The following CPT1A variants were observed in gnomAD, a reference collection of about 807,000 sequenced individuals.
CPT1A encodes carnitine O-palmitoyltransferase 1, liver isoform.
Under a neutral mutation model 100.8 loss-of-function variants are expected in CPT1A, and 64 were observed. The ratio of observed to expected loss-of-function variants is 0.63; its 90% CI spans 0.52 to 0.78. The LOEUF is 0.78. Among genes scored for constraint, CPT1A ranks in the 30% least tolerant of loss-of-function variants. CPT1A has a pLI of 0.00. For synonymous variants in CPT1A, 363 were observed against 396.0 expected, an observed-to-expected ratio of 0.92 and a Z score of 0.99; for missense variants, 802 against 1,034.1, an observed-to-expected ratio of 0.78 and a Z score of 3.08.
At chr11:68,793,068 TAAA>T (rs1215185041) in intron 9 of CPT1A, among the ~76,000 whole-genome samples, 1 of 148,496 alleles carries the variant, frequency 6.7e-6, no homozygotes, top group Non-Finnish European at 1.5e-5. Flanking sequence ...AATAAATAAA[TAAA>T]TCAAACACTC....
At chr11:68,826,795 A>T (rs1162169947) in intron 1 of CPT1A, among the ~76,000 whole-genome samples, 1 of 151,918 alleles carries the variant, frequency 6.6e-6, no homozygotes, top group Non-Finnish European at 1.5e-5. Context: ...TACTTTACTT[A>T]GCACAAACGG....
chr11:68,797,634 C>T (rs1359796606), intron 6 of CPT1A, among the ~76,000 whole-genome samples: 1 of 152,138 alleles, frequency 6.6e-6, no homozygotes, highest in Non-Finnish European at 1.5e-5. Flanking sequence ...GATCGTGCCA[C>T]TGCATTCCCA....
At chr11:68,842,870 C>A (rs1190102028), upstream of CPT1A, among the ~76,000 whole-genome samples, 1 of 152,152 alleles carries the variant, frequency 6.6e-6, no homozygotes, top group Non-Finnish European at 1.5e-5. Flanking sequence ...CGGGAGCCAC[C>A]CCTCCCCTAT....
intron 9 of CPT1A, among the ~76,000 whole-genome samples, chr11:68,792,197 C>A (rs1392381075): frequency 6.6e-6 from 1 of 151,890 alleles, no homozygotes; most frequent in Non-Finnish European, 1.5e-5. Context: ...ATTAGCCGGG[C>A]GTGGTGGCAG....
chr11:68,770,951 C>T (rs534938563), intron 14 of CPT1A, among the ~76,000 whole-genome samples: 3 of 152,216 alleles, frequency 2.0e-5, no homozygotes, highest in African/African-American at 4.8e-5. Flanking sequence ...GCTTCACCTC[C>T]GAGTGTGGAG....
chr11:68,796,877 C>G lies in CPT1A; in HGVS notation c.750G>C (p.Val250=). The G allele has an allele frequency of 6.2e-7, 1 of 1,614,104 alleles. No individual in the cohort carries two copies. Among genetic ancestry groups the G allele is most frequent in the Non-Finnish European group, 8.5e-7 (1 of 1,179,994 alleles). The part of the protein sequence containing the change: ...IYLRGRGPLM[V]NSNYYAMDLL... ...TCACCATGGCATAATAGTTGCTGTT[C>G]ACCATGAGCGGCCCTCGTCCTCGGA... is the stretch of plus-strand genomic sequence containing the variant. The change falls in exon 7 of 19, where the codon GTG becomes GTC. Residue 250 remains valine, a synonymous_variant. Transcript: ENST00000265641.
At chr11:68,843,749 G>T (rs1178051214), upstream of CPT1A, among the ~76,000 whole-genome samples, 2 of 152,220 alleles carry the variant, frequency 1.3e-5, no homozygotes, top group Non-Finnish European at 2.9e-5. This position sits in a 1 kb window ranked among gnomAD's most constrained non-coding sequence, Gnocchi z 4.0. Flanking sequence ...AGATTTCACC[G>T]CCCCAAGAGG....
intron 1 of CPT1A, among the ~76,000 whole-genome samples, chr11:68,838,651 G>A (rs1200943979): frequency 1.4e-5 from 2 of 147,844 alleles, no homozygotes; most frequent in Non-Finnish European, 3.0e-5. Flanking sequence ...ATAGCTCACT[G>A]CAGTCTCCAC....
chr11:68,780,825 C>T, intron 11 of CPT1A, 80 bp from the exon 12 acceptor site: 6 of 1,004,744 alleles, frequency 6.0e-6, no homozygotes, highest in Non-Finnish European at 9.6e-6. Context: ...CTGCTTCATC[C>T]TGGATGGACT....
At chr11:68,823,681 C>T (rs986330969) in intron 1 of CPT1A, among the ~76,000 whole-genome samples, 7 of 151,444 alleles carry the variant, frequency 4.6e-5, no homozygotes, top group Admixed American at 6.6e-5. Context: ...CCCAGCTACT[C>T]GGGAGGCCAA....
rs547168277 is a variant in CPT1A at position 68,833,286 on chromosome 11, G to A, written c.-14+8489C>T. 4.3e-4 allele frequency among the ~76,000 whole-genome samples: 65 copies of A among 152,330 alleles called. 1 individual carries two copies. The South Asian group carries it at 0.013, about 30-fold the overall frequency. ...ATGGCTCTTCTGAACTGAGATGCAG[G>A]CAAAAATTAGCAATAATGGGAAGGA... On this transcript the variant is annotated intron_variant, in intron 1 of 18. Transcript: ENST00000265641.
At chr11:68,809,246 T>C (rs1462555783) in intron 3 of CPT1A, among the ~76,000 whole-genome samples, 1 of 152,146 alleles carries the variant, frequency 6.6e-6, no homozygotes, top group African/African-American at 2.4e-5. Flanking sequence ...TTTAAGAAGC[T>C]ATCTTTTAGA....
intron 14 of CPT1A, among the ~76,000 whole-genome samples, chr11:68,764,547 C>T (rs1207281272): frequency 6.6e-6 from 1 of 151,978 alleles, no homozygotes; most frequent in Non-Finnish European, 1.5e-5. Context: ...GGACAGAGCA[C>T]AGGACCCACT....
rs1856361274 is a variant in CPT1A, at chr11:68,815,528, G to C, written c.-13-41C>G. 4 of 1,591,284 alleles carry C rather than the reference G, an allele frequency of 2.5e-6. No individual in the cohort carries two copies. The African/African-American group carries it at 4.0e-5, about 16-fold the overall frequency. Reference sequence around the variant, plus strand: ...GAAAATGTAACACAGTGGAACGTGTGACCAGACACTAAAAAACCCTCATAC... The same window carrying C: ...GAAAATGTAACACAGTGGAACGTGTCACCAGACACTAAAAAACCCTCATAC... On this transcript the variant is annotated intron_variant, in intron 1 of 18. Coordinates refer to ENST00000265641, the MANE Select transcript of CPT1A (RefSeq NM_001876.4).
chr11:68,769,997 C>T (rs978668351), intron 14 of CPT1A, among the ~76,000 whole-genome samples: 2 of 151,172 alleles, frequency 1.3e-5, no homozygotes, highest in African/African-American at 4.9e-5. Flanking sequence ...GCAGCCGAGG[C>T]TGCAGTGAGC....
intron 1 of CPT1A, among the ~76,000 whole-genome samples, chr11:68,829,744 G>A (rs943566210): frequency 6.6e-6 from 1 of 152,136 alleles, no homozygotes; most frequent in Non-Finnish European, 1.5e-5. Context: ...CTTGGGTGCT[G>A]TTCCTGAGCT....
At position 68,841,305 on chromosome 11, in the gene CPT1A, G is replaced by T. The variant is rs1857154174; in HGVS notation, c.-14+470C>A. 6.6e-6 allele frequency among the ~76,000 whole-genome samples: 1 copy of T among 152,174 alleles called. No homozygotes were observed. The highest frequency in any genetic ancestry group is 1.5e-5 in the Non-Finnish European group (1 of 68,022). On this transcript the variant is annotated intron_variant, in intron 1 of 18. Transcript: ENST00000265641. The surrounding 1 kb of genome is among the most constrained non-coding windows in gnomAD (Gnocchi z 6.3). ...GAGGCCCTACTGGCCCCGGGCGAAG[G>T]CATCCTGGAAAGCATCCAGAGCGTC... is the stretch of plus-strand genomic sequence containing the variant.
chr11:68,801,696 C>T (rs1855906891), intron 5 of CPT1A, among the ~76,000 whole-genome samples: 1 of 151,616 alleles, frequency 6.6e-6, no homozygotes, highest in Non-Finnish European at 1.5e-5. Flanking sequence ...GTAACCAAGC[C>T]TGGATTCAAA....
chr11:68,793,185 A>G (rs1855664217), intron 9 of CPT1A, 130 bp downstream of exon 9: 3 of 636,478 alleles, frequency 4.7e-6, no homozygotes, highest in Non-Finnish European at 8.4e-6. Context: ...CAGCAGAAGG[A>G]ATGTTCACCA....
Sources: gnomAD v4.1 joint callset for allele counts (sites outside exome capture counted in the v4.1 genomes callset) on GRCh38, gnomAD v4.1.1 for gene constraint, Gnocchi (gnomAD v3.1) non-coding constraint, MANE v1.5 for transcripts, NCBI Gene and HGNC (gene_info 2026-07-23, HGNC 2026-07-21) for gene names.